The following VASP variants were observed in gnomAD, a reference collection of about 807,000 sequenced individuals.
VASP encodes the protein vasodilator stimulated phosphoprotein, also known as vasodilator-stimulated phosphoprotein.
In VASP, 27 loss-of-function variants were observed where a neutral mutation model predicts 54.4. That is an observed-to-expected ratio of 0.50 (90% CI 0.37 to 0.68). The LOEUF is 0.68. Ranked by LOEUF, VASP falls within the 30% of genes least tolerant of loss-of-function variation. The probability of loss-of-function intolerance (pLI) is 0.00; values close to 1 mark genes in which losing one functional copy is unlikely to be tolerated. For synonymous variants in VASP, 233 were observed against 209.8 expected, an observed-to-expected ratio of 1.11 and a Z score of -0.96; for missense variants, 488 against 528.3, an observed-to-expected ratio of 0.92 and a Z score of 0.75.
In VASP at chr19:45,526,303, T is replaced by A. The variant is rs1476201078; in HGVS notation, c.*126T>A. 2.5e-6 allele frequency: 3 copies of A among 1,206,380 alleles called. No individual in the cohort carries two copies. In the African/African-American group the frequency reaches 4.7e-5, roughly 19 times the overall value. 74.7% of individuals were successfully genotyped at this position (1,206,380 alleles called of 1,614,324 possible). A position where few individuals can be genotyped will look rare whatever the true frequency, so the allele number is the denominator to read the frequency against. ...AGGAATGCATCGTTCCCACTCCCCA[T>A]CCCACTTGGAAAACTCCAAGGGGGT... On this transcript the variant is annotated 3_prime_UTR_variant, in exon 13 of 13. Transcript: ENST00000245932.
intron 1 of VASP, among the ~76,000 whole-genome samples, chr19:45,515,029 G>A (rs1171879540): frequency 6.6e-6 from 1 of 152,204 alleles, no homozygotes; most frequent in Non-Finnish European, 1.5e-5. Flanking sequence ...GTGACTTTGG[G>A]GGAGGGGCTT....
chr19:45,508,893 A>C (rs906835475), intron 1 of VASP, among the ~76,000 whole-genome samples: 2 of 152,172 alleles, frequency 1.3e-5, no homozygotes, highest in African/African-American at 2.4e-5. Context: ...GGGCGGGGCC[A>C]GTGTGGGCAG....
chr19:45,511,951 A>G (rs1968607214), intron 1 of VASP, among the ~76,000 whole-genome samples: 1 of 152,166 alleles, frequency 6.6e-6, no homozygotes, highest in African/African-American at 2.4e-5. Flanking sequence ...TGAAAATAGA[A>G]ACATTAGCCT....
chr19:45,517,885 C>T, intron 2 of VASP, 44 bp from the exon 3 acceptor site: 1 of 1,579,092 alleles, frequency 6.3e-7, no homozygotes, highest in Non-Finnish European at 8.6e-7. Flanking sequence ...ACCCGCCCCA[C>T]CCCTGCGCCC....
chr19:45,517,875 A>ACCCCCCCCCCCCCCCCCCCCCCCCCCC, intron 2 of VASP, 41 bp downstream of exon 2: 1 of 1,578,752 alleles, frequency 6.3e-7, no homozygotes. Context: ...CTGAACCCCT[A>ACCCCCCCCCCCCCCCCCCCCCCCCCCC]CCCGCCCCAC....
Position 45,507,485 on chromosome 19 carries a change from G to A in VASP, c.-287G>A, listed in dbSNP as rs2122267919. On this transcript the variant is annotated 5_prime_UTR_variant, in exon 1 of 13. Transcript: ENST00000245932. The surrounding 1 kb of genome is among the most constrained non-coding windows in gnomAD (Gnocchi z 4.4). ...AAATGTAACGAAGAGAAGTACAGTA[G>A]TAAGAGTAACACTGTAGCCGCCACC... is the stretch of plus-strand genomic sequence containing the variant. 2.1e-6 allele frequency: 1 copy of A among 474,090 alleles called. No individual in the cohort carries two copies. Among genetic ancestry groups the A allele is most frequent in the Non-Finnish European group, 3.7e-6 (1 of 268,080 alleles). The allele number at this position is 474,090 out of a possible 1,614,324, so 29.4% of individuals were successfully genotyped here. A position where few individuals can be genotyped will look rare whatever the true frequency, so the allele number is the denominator to read the frequency against.
intron 1 of VASP, among the ~76,000 whole-genome samples, chr19:45,516,396 G>A (rs1401121392): frequency 1.3e-5 from 2 of 152,220 alleles, no homozygotes; most frequent in African/African-American, 2.4e-5. Flanking sequence ...TCTGGGATGG[G>A]TCCCCAACCT....
intron 1 of VASP, among the ~76,000 whole-genome samples, chr19:45,510,290 G>A (rs781761668): frequency 6.6e-6 from 1 of 152,040 alleles, no homozygotes; most frequent in Non-Finnish European, 1.5e-5. Context: ...GAAATGGCAT[G>A]ATCTCGGCTC....
chr19:45,517,669 G>A lies in VASP; in HGVS notation c.12G>A (p.Thr4=), dbSNP rs781261859. 26 of 1,608,236 alleles carry A rather than the reference G, an allele frequency of 1.6e-5. No homozygotes were observed. Among genetic ancestry groups the A allele is most frequent in the Non-Finnish European group, 2.1e-5 (25 of 1,179,816 alleles). Reference sequence around the variant, plus strand: ...CTTTTCCTCCCGCCTGCAGCGAGACGGTCATCTGTTCCAGCCGGGCCACTG... The same window carrying A: ...CTTTTCCTCCCGCCTGCAGCGAGACAGTCATCTGTTCCAGCCGGGCCACTG... MSE[T]VICSSRATVM... The change falls in exon 2 of 13, where the codon ACG becomes ACA. Residue 4 remains threonine (T), a synonymous_variant. Transcript: ENST00000245932.
intron 3 of VASP, among the ~76,000 whole-genome samples, chr19:45,518,669 T>G (rs1244911615): frequency 6.6e-6 from 1 of 152,176 alleles, no homozygotes; most frequent in Non-Finnish European, 1.5e-5. Flanking sequence ...AAGACATAGG[T>G]AGGTCCTGCC....
chr19:45,522,504 G>T lies in VASP; in HGVS notation c.643G>T (p.Gly215Cys), dbSNP rs1250956064. Residue 215 changes from glycine (G) to cysteine (C), a missense_variant, in exon 6 of 13, where the codon GGC (glycine) becomes TGC (cysteine). Coordinates refer to ENST00000245932, the MANE Select transcript of VASP (RefSeq NM_003370.4). ...TGCACCCCCTCTCCCGGCAGCACAG[G>T]GCCCTGGTGGTGGGGGAGCTGGGGC... is the stretch of plus-strand genomic sequence containing the variant. Reference protein sequence around the residue: ...PPAPPLPAAQGPGGGGAGAPG... With the variant: ...PPAPPLPAAQCPGGGGAGAPG... 1.6e-5 allele frequency: 23 copies of T among 1,459,872 alleles called. No homozygotes were observed. Among genetic ancestry groups the T allele is most frequent in the Non-Finnish European group, 1.9e-5 (21 of 1,110,234 alleles). The allele number at this position is 1,459,872 out of a possible 1,614,324, so 90.4% of individuals were successfully genotyped here.
chr19:45,510,047 C>T (rs375934379), intron 1 of VASP, among the ~76,000 whole-genome samples: 3 of 152,102 alleles, frequency 2.0e-5, no homozygotes, highest in East Asian at 1.9e-4. Context: ...GACAGAGAAG[C>T]GAGGCAGAGG....
In VASP at chr19:45,521,367, C is replaced by G; in HGVS notation, c.389C>G (p.Pro130Arg). Reference sequence around the variant, plus strand: ...CCAGCACTTCCCACCTGGTCGGTCCCGAACGGCCCCTCCCCGGAGGAGGTG... The same window carrying G: ...CCAGCACTTCCCACCTGGTCGGTCCGGAACGGCCCCTCCCCGGAGGAGGTG... ...PPPALPTWSV[P>R]NGPSPEEVEQ... The change falls in exon 4 of 13, where the codon CCG becomes CGG. Residue 130 changes from proline to arginine, a missense_variant. Coordinates refer to ENST00000245932, the MANE Select transcript of VASP (RefSeq NM_003370.4). 1.3e-6 allele frequency: 2 copies of G among 1,582,420 alleles called. No homozygotes were observed. Among genetic ancestry groups the G allele is most frequent in the Non-Finnish European group, 1.7e-6 (2 of 1,164,352 alleles).
In VASP at chr19:45,518,089, T is replaced by G; in HGVS notation, c.338T>G (p.Leu113Trp). 1 of 1,613,034 alleles carries G rather than the reference T, an allele frequency of 6.2e-7. No individual in the cohort carries two copies. Among genetic ancestry groups the G allele is most frequent in the Non-Finnish European group, 8.5e-7 (1 of 1,179,634 alleles). ...GGCATGGCCAGTGCCCTAGAGGCGT[T>G]GGAAGGTCAGAAATGGCGGCGGGCA... ...AAGMASALEA[L>W]EGGGPPPPPA... Residue 113 changes from leucine (L) to tryptophan (W), a missense_variant, in exon 3 of 13, where the codon TTG becomes TGG. Transcript: ENST00000245932.
At chr19:45,513,819 C>G (rs1968648955) in intron 1 of VASP, among the ~76,000 whole-genome samples, 1 of 152,198 alleles carries the variant, frequency 6.6e-6, no homozygotes, top group East Asian at 1.9e-4. Context: ...CTGCCTCAGC[C>G]TCCCAAAGTG....
intron 4 of VASP, among the ~76,000 whole-genome samples, chr19:45,521,718 G>A (rs1487766870): frequency 6.6e-6 from 1 of 151,966 alleles, no homozygotes; most frequent in East Asian, 1.9e-4. Context: ...GCGAAATCCC[G>A]TCTCTACTGA....
At chr19:45,522,318 C>T (rs1475750261) in intron 5 of VASP, 22 bp from the exon 6 acceptor site, 3 of 1,612,116 alleles carry the variant, frequency 1.9e-6, no homozygotes, top group Non-Finnish European at 2.5e-6. Context: ...CTCAGCTGCC[C>T]CCTTTTCTGT....
rs528270845 is a variant in VASP at position 45,517,851 on chromosome 19, G to GC, written c.177+22dup. On this transcript the variant is annotated intron_variant, in intron 2 of 12. Transcript: ENST00000245932. ...GACCAGCAGGTGCAGCTTCCCGCCG[G>GC]CCCCCTCTGTGGGCTGAACCCCTAC... 55 of 1,611,216 alleles carry GC rather than the reference G, an allele frequency of 3.4e-5. No individual in the cohort carries two copies. The East Asian group carries it at 8.7e-4, about 25-fold the overall frequency.
intron 1 of VASP, among the ~76,000 whole-genome samples, chr19:45,509,353 G>A (rs1968552347): frequency 6.6e-6 from 1 of 151,998 alleles, no homozygotes; most frequent in African/African-American, 2.4e-5. Flanking sequence ...CTTCCTCCGG[G>A]ACTCTTCTCT....
Sources: allele counts gnomAD v4.1 joint callset (sites outside exome capture counted in the v4.1 genomes callset), GRCh38; gene constraint gnomAD v4.1.1; non-coding constraint Gnocchi (gnomAD v3.1); transcripts MANE v1.5; gene names NCBI Gene and HGNC (gene_info 2026-07-23, HGNC 2026-07-21).